Variants in COL27A1 observed in about 807,000 individuals in gnomAD.
The protein encoded by COL27A1 is collagen alpha-1(XXVII) chain.
A neutral mutation model predicts 251.3 loss-of-function variants in COL27A1; 106 were observed. The observed-to-expected ratio is 0.42, with a 90% confidence interval of 0.36 to 0.50. COL27A1 has a LOEUF of 0.50. Among genes scored for constraint, COL27A1 ranks in the 20% least tolerant of loss-of-function variants. COL27A1 has a pLI of 0.00. For missense variants in COL27A1, 2,325 were observed against 2,522.8 expected, an observed-to-expected ratio of 0.92 and a Z score of 1.68; for synonymous variants, 1,000 against 986.3, an observed-to-expected ratio of 1.01 and a Z score of -0.26.
intron 37 of COL27A1, among the ~76,000 whole-genome samples, chr9:114,280,263 G>A (rs988556646): frequency 6.6e-5 from 10 of 151,626 alleles, no homozygotes; most frequent in African/African-American, 2.4e-4. Context: ...CCAGGCTGGA[G>A]TGCGGTGGTG....
chr9:114,243,078 C>T (rs1832870344), intron 22 of COL27A1, among the ~76,000 whole-genome samples: 2 of 152,204 alleles, frequency 1.3e-5, no homozygotes, highest in South Asian at 4.1e-4. Flanking sequence ...AGGCGAATGA[C>T]ATCTTAGTGT....
chr9:114,247,911 A>G (rs2135510445), intron 24 of COL27A1, among the ~76,000 whole-genome samples: 1 of 152,324 alleles, frequency 6.6e-6, no homozygotes, highest in Non-Finnish European at 1.5e-5. Context: ...AATGGCAAAA[A>G]CTGCGATTAC....
chr9:114,280,760 G>A (rs761375680), intron 37 of COL27A1, among the ~76,000 whole-genome samples: 8 of 152,338 alleles, frequency 5.3e-5, no homozygotes, highest in East Asian at 1.9e-4. Flanking sequence ...TCTGAGGACC[G>A]CAGGGTGGTC....
chr9:114,215,810 T>C (rs768756289), intron 12 of COL27A1, among the ~76,000 whole-genome samples: 2 of 152,156 alleles, frequency 1.3e-5, no homozygotes, highest in African/African-American at 4.8e-5. Context: ...TGATGGCACA[T>C]TAGAGTTGAC....
At chr9:114,235,448 G>T (rs1832310910) in intron 16 of COL27A1, 151 bp from the exon 17 acceptor site, 7 of 732,664 alleles carry the variant, frequency 9.6e-6, no homozygotes, top group Non-Finnish European at 1.8e-5. Context: ...CTCGCCAGGG[G>T]CCCGTCCTTT....
At chr9:114,226,228 G>C (rs1831458813) in intron 14 of COL27A1, among the ~76,000 whole-genome samples, 1 of 152,188 alleles carries the variant, frequency 6.6e-6, no homozygotes, top group South Asian at 2.1e-4. Flanking sequence ...AGGGGCAATG[G>C]ATTTGTCCAC....
chr9:114,158,323 G>A (rs1848260903), intron 1 of COL27A1, among the ~76,000 whole-genome samples: 1 of 152,184 alleles, frequency 6.6e-6, no homozygotes, highest in Non-Finnish European at 1.5e-5. Context: ...GTGTTTCCAG[G>A]TAATAAGGAT....
chr9:114,268,302 G>A (rs2636860), intron 34 of COL27A1, among the ~76,000 whole-genome samples: 50,768 of 134,228 alleles, frequency 0.38, 8,974 homozygotes, highest in African/African-American at 0.52. Flanking sequence ...ACCACCCCAC[G>A]TAGAAAACTG....
At chr9:114,275,530 G>A (rs1056402745) in intron 36 of COL27A1, 131 bp from the exon 37 acceptor site, 14 of 603,934 alleles carry the variant, frequency 2.3e-5, no homozygotes, top group Non-Finnish European at 8.6e-6. Context: ...GGCTGCAGAG[G>A]GAACTATCGA....
chr9:114,155,191 G>C (rs981469587), upstream of COL27A1, among the ~76,000 whole-genome samples: 1 of 152,064 alleles, frequency 6.6e-6, no homozygotes, highest in African/African-American at 2.4e-5. This position sits in a 1 kb window ranked among gnomAD's most constrained non-coding sequence, Gnocchi z 5.5. Flanking sequence ...GAAACTGTGG[G>C]TTTCTTCCAG....
rs534224317 is a variant in COL27A1, at chr9:114,193,382, G to C, written c.2017-1022G>C. Among the ~76,000 whole-genome samples the C allele has an allele frequency of 4.6e-5, 7 of 152,272 alleles. No homozygotes were observed. The East Asian group carries it at 1.2e-3, about 25-fold the overall frequency. ...TGCTCTCAGGAGCCAGGATCTGTGT[G>C]ACAGGGACTGTCCCCTATGCTAGGC... On this transcript the variant is annotated intron_variant, in intron 5 of 60. Coordinates refer to ENST00000356083, the MANE Select transcript of COL27A1 (RefSeq NM_032888.4).
At chr9:114,157,291 C>G (rs1226795238) in intron 1 of COL27A1, among the ~76,000 whole-genome samples, 2 of 152,212 alleles carry the variant, frequency 1.3e-5, no homozygotes, top group Non-Finnish European at 2.9e-5. Flanking sequence ...CTCCTGCCTC[C>G]CTGCCTCCCT....
rs146977141 is a variant in COL27A1 at position 114,307,729 on chromosome 9, A to G, written c.5168A>G (p.Asn1723Ser). Residue 1723 changes from asparagine to serine, a missense_variant, in exon 59 of 61, where the codon AAC becomes AGC. By Grantham distance (46) the Asn-to-Ser change is conservative (BLOSUM62 1). Around this residue, in one of 4 missense-constraint regions of COL27A1, gnomAD observed 327 missense variants for 442.8 expected, o/e 0.74. Coordinates refer to ENST00000356083, the MANE Select transcript of COL27A1 (RefSeq NM_032888.4). ...TCTGACACCATCGAGGTCTCCTGCA[A>G]CTTCACTCATGGTGGACAGACGTGT... ...CSSDTIEVSC[N>S]FTHGGQTCLK... 7.5e-4 allele frequency: 1,208 copies of G among 1,614,150 alleles called. 17 individuals are homozygous for G. In the East Asian group the frequency reaches 0.024, roughly 33 times the overall value.
chr9:114,230,640 G>A (rs1463818647), intron 14 of COL27A1, among the ~76,000 whole-genome samples: 1 of 152,128 alleles, frequency 6.6e-6, no homozygotes, highest in East Asian at 1.9e-4. Context: ...CCAAGCCTCT[G>A]GGAAGCAGGA....
At position 114,168,375 on chromosome 9, in the gene COL27A1, A is replaced by G; in HGVS notation, c.820A>G (p.Thr274Ala). The G allele has an allele frequency of 6.2e-7, 1 of 1,613,454 alleles. No individual in the cohort carries two copies. Among genetic ancestry groups the G allele is most frequent in the Non-Finnish European group, 8.5e-7 (1 of 1,179,980 alleles). ...LALLGLENLT[T>A]ATPALGSLPA... ...CCTGCTAGGCCTGGAGAACTTGACC[A>G]CTGCCACACCAGCCCTGGGGTCACT... The change falls in exon 3 of 61, where the codon ACT becomes GCT. Residue 274 changes from threonine to alanine, a missense_variant. Thr to Ala is a moderately conservative substitution (Grantham distance 58). Around this residue, in one of 4 missense-constraint regions of COL27A1, gnomAD observed 1,183 missense variants for 1,144.1 expected, o/e 1.03. Transcript: ENST00000356083.
At chr9:114,240,020 A>G (rs1163168670) in intron 19 of COL27A1, among the ~76,000 whole-genome samples, 200 bp from the exon 20 acceptor site, 2 of 152,038 alleles carry the variant, frequency 1.3e-5, no homozygotes, top group Non-Finnish European at 2.9e-5. Context: ...TGTCTCAGCA[A>G]CTCTCTGAGG....
rs888626566 is a variant in COL27A1 at position 114,262,942 on chromosome 9, T to TC, written c.3196-1413_3196-1412insC. On this transcript the variant is annotated intron_variant, in intron 28 of 60. Transcript: ENST00000356083. ...CATTGAAAATTTCCTTGTTTGATTT[T>TC]TTTTTTTTTTTTTTGAGATGGAGTC... is the stretch of plus-strand genomic sequence containing the variant. 5.9e-4 allele frequency among the ~76,000 whole-genome samples: 86 copies of TC among 146,402 alleles called. 1 individual carries two copies. The East Asian group carries it at 0.015, about 25-fold the overall frequency.
rs185656867 is a variant in COL27A1 at position 114,275,664 on chromosome 9, G to T, written c.3613G>T (p.Asp1205Tyr). 4 of 1,547,914 alleles carry T rather than the reference G, an allele frequency of 2.6e-6. No homozygotes were observed. The highest frequency in any genetic ancestry group is 3.9e-5 in the Admixed American group (2 of 50,866). ...GPMGPDGLKG[D>Y]RGDPGPDGEH... The stretch of plus-strand genomic sequence containing the variant: ...CTCTTCATGCCCTGCCACCCAGGGG[G>T]ACAGGGGAGACCCAGGGCCTGATGG... Residue 1205 changes from aspartate (D) to tyrosine (Y), a missense_variant, in exon 37 of 61, where the codon GAC becomes TAC. Asp to Tyr is a radical substitution (Grantham distance 160). This residue lies in a region of COL27A1 where 662 missense variants were observed against 795.3 expected (regional missense o/e 0.83). Transcript: ENST00000356083.
chr9:114,274,854 G>A (rs969817614), intron 36 of COL27A1, among the ~76,000 whole-genome samples: 1 of 151,966 alleles, frequency 6.6e-6, no homozygotes, highest in Non-Finnish European at 1.5e-5. Context: ...TTTTGTCATC[G>A]AGGATTGAAA....
Sources: allele counts gnomAD v4.1 joint callset (sites outside exome capture counted in the v4.1 genomes callset), GRCh38; gene constraint gnomAD v4.1.1; regional missense constraint gnomAD v4.1.1; non-coding constraint Gnocchi (gnomAD v3.1); transcripts MANE v1.5; gene names NCBI Gene and HGNC (gene_info 2026-07-23, HGNC 2026-07-21).